The following SH2D4A variants were observed in gnomAD, a reference collection of about 807,000 sequenced individuals.
The protein encoded by SH2D4A is SH2 domain containing 4A, also known as SH2 domain-containing protein 4A.
Under a neutral mutation model 64.7 loss-of-function variants are expected in SH2D4A, and 70 were observed. That is an observed-to-expected ratio of 1.08 (90% confidence interval 0.89 to 1.32). The LOEUF is 1.32. Ranked by LOEUF, SH2D4A falls within the 40% of genes most tolerant of loss-of-function variation. The probability of loss-of-function intolerance (pLI) is 0.00; values close to 1 mark genes in which losing one functional copy is unlikely to be tolerated. For missense variants in SH2D4A, 706 were observed against 540.1 expected (o/e 1.31, Z -3.04); for synonymous variants, 268 against 200.7 (o/e 1.34, Z -2.83).
rs373801293 is a variant in SH2D4A at position 19,379,953 on chromosome 8, C to G, written c.1048+6293C>G. The stretch of plus-strand genomic sequence containing the variant: ...ATCTCACTGTGTTGCTCAGGCTGGT[C>G]TCAAATTCCTGGCCTCAAGCATTCC... On this transcript the variant is annotated intron_variant, in intron 8 of 9. Coordinates refer to ENST00000265807, the MANE Select transcript of SH2D4A (RefSeq NM_022071.4). Among the ~76,000 whole-genome samples, 145 of 152,182 alleles carry G rather than the reference C, an allele frequency of 9.5e-4. 1 individual carries two copies. The highest frequency in any genetic ancestry group is 3.4e-3 in the Middle Eastern group (1 of 294).
At chr8:19,359,303 C>T (rs1168353296) in intron 5 of SH2D4A, among the ~76,000 whole-genome samples, 2 of 152,124 alleles carry the variant, frequency 1.3e-5, no homozygotes, top group Non-Finnish European at 2.9e-5. Flanking sequence ...AAATATAGCT[C>T]TGTTAGACAT....
At chr8:19,375,060 G>C (rs2053169759) in intron 8 of SH2D4A, 1 of 152,152 alleles carries the variant, frequency 6.6e-6, no homozygotes, top group South Asian at 2.1e-4. Context: ...TGTTTGAAAG[G>C]CTGAAAGCTA....
At chr8:19,390,587 G>A (rs1282257849) in intron 8 of SH2D4A, among the ~76,000 whole-genome samples, 1 of 152,178 alleles carries the variant, frequency 6.6e-6, no homozygotes, top group Non-Finnish European at 1.5e-5. Context: ...CACCAAGCCA[G>A]TTTGCTATTA....
intron 4 of SH2D4A, among the ~76,000 whole-genome samples, chr8:19,347,345 G>C (rs1388645215): frequency 6.6e-6 from 1 of 152,204 alleles, no homozygotes; most frequent in Non-Finnish European, 1.5e-5. Flanking sequence ...GGCATGCTGT[G>C]TGAACCGACT....
At chr8:19,348,305 C>T (rs1448737822) in intron 4 of SH2D4A, among the ~76,000 whole-genome samples, 2 of 152,108 alleles carry the variant, frequency 1.3e-5, no homozygotes, top group East Asian at 1.9e-4. Flanking sequence ...CCATGTTGCC[C>T]AGGCTGCTCT....
chr8:19,341,915 T>G (rs1356329632), intron 4 of SH2D4A, among the ~76,000 whole-genome samples: 1 of 151,134 alleles, frequency 6.6e-6, no homozygotes, highest in Non-Finnish European at 1.5e-5. Flanking sequence ...CAGACCTGAG[T>G]CAGAATGCAC....
In SH2D4A at chr8:19,373,594, G is replaced by A; in HGVS notation, c.982G>A (p.Glu328Lys). The A allele has an allele frequency of 6.2e-7, 1 of 1,613,402 alleles. No homozygotes were observed. Among genetic ancestry groups the A allele is most frequent in the Non-Finnish European group, 8.5e-7 (1 of 1,179,654 alleles). The change falls in exon 8 of 10, where the codon GAG (glutamate) becomes AAG (lysine). Residue 328 changes from glutamate (E) to lysine (K), a missense_variant. Glu to Lys is a moderately conservative substitution (Grantham distance 56). Coordinates refer to ENST00000265807, the MANE Select transcript of SH2D4A (RefSeq NM_022071.4). Reference sequence around the variant, plus strand: ...AGAGGACATCATCCGGTGGTTTAAAGAGGAGCAGCTACCACTTCGAGCGGG... The same window carrying A: ...AGAGGACATCATCCGGTGGTTTAAAAAGGAGCAGCTACCACTTCGAGCGGG... ...AQEDIIRWFK[E>K]EQLPLRAGYQ...
At chr8:19,324,371 G>T (rs1004092890) in intron 2 of SH2D4A, among the ~76,000 whole-genome samples, 22 of 151,898 alleles carry the variant, frequency 1.4e-4, no homozygotes, top group African/African-American at 5.3e-4. Context: ...TTGTTCCCAA[G>T]GGGGCAGATC....
intron 8 of SH2D4A, among the ~76,000 whole-genome samples, chr8:19,379,424 C>A (rs534561554): frequency 6.6e-5 from 10 of 152,306 alleles, no homozygotes; most frequent in Admixed American, 3.9e-4. Context: ...TCTGTTGATG[C>A]ACTCTTGAGT....
chr8:19,363,457 CATT>C (rs1426217710), intron 6 of SH2D4A, among the ~76,000 whole-genome samples: 8 of 152,184 alleles, frequency 5.3e-5, no homozygotes, highest in African/African-American at 1.9e-4. Context: ...TTATTTCTCT[CATT>C]AAGTCACTAG....
chr8:19,377,391 A>G (rs1381887943), intron 8 of SH2D4A, among the ~76,000 whole-genome samples: 2 of 152,140 alleles, frequency 1.3e-5, no homozygotes, highest in Non-Finnish European at 2.9e-5. Flanking sequence ...AGAAAAGAAA[A>G]TCTGCCATAT....
At chr8:19,346,524 G>T (rs1182001165) in intron 4 of SH2D4A, among the ~76,000 whole-genome samples, 1 of 152,198 alleles carries the variant, frequency 6.6e-6, no homozygotes. Context: ...GAATTATGAT[G>T]AGTATGTAAT....
Position 19,395,699 on chromosome 8 carries a change from A to C in SH2D4A, c.*1057A>C, listed in dbSNP as rs1351999636. ...GGATCTCCGGCCACCAGCAGAAGCC[A>C]GCAGAGAGGCATGGGACAGGTTCCC... On this transcript the variant is annotated 3_prime_UTR_variant, in exon 10 of 10. Transcript: ENST00000265807. The C allele has an allele frequency of 2.6e-5, 4 of 152,232 alleles. No homozygotes were observed. The highest frequency in any genetic ancestry group is 5.9e-5 in the Non-Finnish European group (4 of 68,094). 9.4% of individuals were successfully genotyped at this position (152,232 alleles called of 1,614,324 possible). A position where few individuals can be genotyped will look rare whatever the true frequency, so the allele number is the denominator to read the frequency against.
Position 19,373,348 on chromosome 8 carries a change from A to G in SH2D4A, c.918-182A>G, listed in dbSNP as rs535102398. Among the ~76,000 whole-genome samples, 22 of 149,318 alleles carry G rather than the reference A, an allele frequency of 1.5e-4. No homozygotes were observed. The South Asian group carries it at 3.6e-3, about 24-fold the overall frequency. On this transcript the variant is annotated intron_variant, in intron 7 of 9. Transcript: ENST00000265807. ...CCCCCACCCCCACACACACATGTGT[A>G]TATATATATATATGTATATATATTT... is the stretch of plus-strand genomic sequence containing the variant.
intron 4 of SH2D4A, among the ~76,000 whole-genome samples, chr8:19,351,845 G>A (rs1259123675): frequency 6.6e-6 from 1 of 151,988 alleles, no homozygotes; most frequent in Non-Finnish European, 1.5e-5. Flanking sequence ...GTGCAGTGGT[G>A]AGATCTTGGC....
intron 2 of SH2D4A, among the ~76,000 whole-genome samples, chr8:19,328,536 C>G (rs982919009): frequency 1.3e-5 from 2 of 152,106 alleles, no homozygotes; most frequent in South Asian, 4.1e-4. Flanking sequence ...TATGCCTGCC[C>G]TATTTAGGAC....
At chr8:19,340,606 T>C (rs1366926454) in intron 4 of SH2D4A, among the ~76,000 whole-genome samples, 26 of 143,394 alleles carry the variant, frequency 1.8e-4, no homozygotes, top group South Asian at 1.6e-3. Context: ...TCTTTCTTTT[T>C]TTTTTTTTTT....
At chr8:19,368,779 A>T (rs987197180) in intron 7 of SH2D4A, among the ~76,000 whole-genome samples, 2 of 152,234 alleles carry the variant, frequency 1.3e-5, no homozygotes, top group Non-Finnish European at 1.5e-5. Context: ...GTCATCTGCA[A>T]ACAGACAATT....
chr8:19,374,752 G>T (rs749265380), intron 8 of SH2D4A, among the ~76,000 whole-genome samples: 1 of 152,116 alleles, frequency 6.6e-6, no homozygotes, highest in Non-Finnish European at 1.5e-5. Context: ...GGATGAGGTT[G>T]CAAGCCTCCT....
Sources: gnomAD v4.1 joint callset for allele counts (sites outside exome capture counted in the v4.1 genomes callset) on GRCh38, gnomAD v4.1.1 for gene constraint, MANE v1.5 for transcripts, NCBI Gene and HGNC (gene_info 2026-07-23, HGNC 2026-07-21) for gene names.